TSHZ3: variants seen among roughly 807,000 people sequenced by gnomAD.
TSHZ3 encodes the protein teashirt homolog 3.
A neutral mutation model predicts 64.5 loss-of-function variants in TSHZ3; 10 were observed. The ratio of observed to expected loss-of-function variants is 0.16; its 90% CI spans 0.10 to 0.26. TSHZ3 has a LOEUF of 0.26. Among genes scored for constraint, TSHZ3 ranks in the 10% least tolerant of loss-of-function variants. The pLI, the probability that TSHZ3 is intolerant of heterozygous loss-of-function variation, is 1.00. For missense variants in TSHZ3, 1,242 were observed against 1,421.7 expected, an observed-to-expected ratio of 0.87 and a Z score of 2.03; for synonymous variants, 608 against 593.1, an observed-to-expected ratio of 1.03 and a Z score of -0.36.
intron 1 of TSHZ3, among the ~76,000 whole-genome samples, chr19:31,346,985 G>A (rs978371395): frequency 6.6e-6 from 1 of 152,034 alleles, no homozygotes; most frequent in Non-Finnish European, 1.5e-5. Context: ...AAGCACTCAT[G>A]CTGCCAGCTT....
intron 1 of TSHZ3, among the ~76,000 whole-genome samples, chr19:31,245,056 TCA>T (rs746942007): frequency 3.3e-4 from 50 of 152,328 alleles, no homozygotes; most frequent in Non-Finnish European, 5.3e-4. Context: ...AGGAAAATAT[TCA>T]CAGTGTTATT....
Position 31,192,855 on chromosome 19 carries a change from G to A in TSHZ3, n.809+12101C>T, listed in dbSNP as rs560030389. ...TTGGATTTAATCGGTTAACATGACA[G>A]TTTTTAGGATGACTCCTTTTTGATG... is the stretch of plus-strand genomic sequence containing the variant. On this transcript the variant is annotated intron_variant and non_coding_transcript_variant, in intron 5 of 6. Coordinates refer to the TSHZ3 transcript ENST00000651361. 2.0e-5 allele frequency among the ~76,000 whole-genome samples: 3 copies of A among 152,322 alleles called. No individual in the cohort carries two copies. The South Asian group carries it at 6.2e-4, about 32-fold the overall frequency.
intron 1 of TSHZ3, among the ~76,000 whole-genome samples, chr19:31,312,338 C>T (rs1261235008): frequency 6.6e-6 from 1 of 152,164 alleles, no homozygotes; most frequent in Non-Finnish European, 1.5e-5. Context: ...GTCCATGGGG[C>T]TATATATGTT....
In TSHZ3 at chr19:31,155,975, T is replaced by C. The variant is rs75757648; in HGVS notation, n.871+381A>G. ...GAATATACCCTGAATAATGATCTAA[T>C]GATCACATTGCTTTGCTTTTGTTAT... is the stretch of plus-strand genomic sequence containing the variant. On this transcript the variant is annotated intron_variant and non_coding_transcript_variant, in intron 6 of 6. Transcript: ENST00000651361. 6.2e-4 allele frequency among the ~76,000 whole-genome samples: 95 copies of C among 152,362 alleles called. No individual in the cohort carries two copies. In the East Asian group the frequency reaches 0.017, roughly 27 times the overall value.
chr19:31,207,147 A>G (rs1034688898), intron 4 of TSHZ3, among the ~76,000 whole-genome samples: 3 of 152,234 alleles, frequency 2.0e-5, no homozygotes, highest in Non-Finnish European at 4.4e-5. Context: ...TAGAATCATT[A>G]ACATGAAATA....
chr19:31,196,237 G>C (rs1205177637), intron 5 of TSHZ3, among the ~76,000 whole-genome samples: 2 of 151,890 alleles, frequency 1.3e-5, no homozygotes, highest in Non-Finnish European at 2.9e-5. Context: ...AGTTATTATA[G>C]TTATTTAAAA....
intron 1 of TSHZ3, among the ~76,000 whole-genome samples, chr19:31,314,650 G>C (rs956847321): frequency 3.9e-5 from 6 of 152,210 alleles, no homozygotes; most frequent in African/African-American, 7.2e-5. Flanking sequence ...TCATATGTGA[G>C]TGCATAATTT....
At chr19:31,157,100 A>AT (rs34441625) in intron 5 of TSHZ3, among the ~76,000 whole-genome samples, 94 of 151,552 alleles carry the variant, frequency 6.2e-4, no homozygotes, top group African/African-American at 2.1e-3. Context: ...CTAACCTGGC[A>AT]TTTTTTTTTG....
chr19:31,261,759 T>G (rs1469594296), intron 1 of TSHZ3, among the ~76,000 whole-genome samples: 1 of 152,220 alleles, frequency 6.6e-6, no homozygotes, highest in African/African-American at 2.4e-5. Flanking sequence ...CTGAATTTTC[T>G]CTGTGTTCTT....
intron 5 of TSHZ3, among the ~76,000 whole-genome samples, chr19:31,169,519 G>T (rs1277961965): frequency 6.6e-6 from 1 of 152,196 alleles, no homozygotes; most frequent in African/African-American, 2.4e-5. Context: ...TGGGGAAGAT[G>T]AAAGGATTCT....
intron 4 of TSHZ3, among the ~76,000 whole-genome samples, chr19:31,216,247 T>C (rs1422208488): frequency 4.6e-5 from 7 of 152,164 alleles, no homozygotes; most frequent in Admixed American, 1.3e-4. Flanking sequence ...TTAGGCCTTT[T>C]TGGGGGGGCT....
intron 3 of TSHZ3, among the ~76,000 whole-genome samples, chr19:31,234,930 A>T (rs1975586090): frequency 6.6e-6 from 1 of 152,126 alleles, no homozygotes; most frequent in Non-Finnish European, 1.5e-5. Context: ...TGTAATATTG[A>T]TGTTATTTCT....
intron 3 of TSHZ3, among the ~76,000 whole-genome samples, chr19:31,230,123 C>T (rs1975519387): frequency 6.6e-6 from 1 of 151,820 alleles, no homozygotes; most frequent in African/African-American, 2.4e-5. Context: ...TTTATAAAAG[C>T]AAAAAATTAA....
intron 1 of TSHZ3, among the ~76,000 whole-genome samples, chr19:31,324,824 A>AT (rs71173959): frequency 0.24 from 36,909 of 151,078 alleles, 5,074 homozygotes; most frequent in East Asian, 0.42. Flanking sequence ...AAGCACAGTG[A>AT]TTTTTTTTTT....
At chr19:31,297,196 G>A (rs1976677983) in intron 1 of TSHZ3, among the ~76,000 whole-genome samples, 1 of 152,138 alleles carries the variant, frequency 6.6e-6, no homozygotes, top group African/African-American at 2.4e-5. Context: ...CTCCTCCACT[G>A]GGCACAGTTC....
intron 1 of TSHZ3, among the ~76,000 whole-genome samples, chr19:31,317,546 A>G (rs1916637536): frequency 6.6e-6 from 1 of 152,174 alleles, no homozygotes; most frequent in African/African-American, 2.4e-5. Context: ...CAAGGATCAC[A>G]GAAGGCCTAA....
At chr19:31,294,283 T>C (rs1322293248) in intron 1 of TSHZ3, among the ~76,000 whole-genome samples, 2 of 152,066 alleles carry the variant, frequency 1.3e-5, no homozygotes, top group African/African-American at 4.8e-5. Context: ...ACTCAGCGAA[T>C]TCTCATCCAG....
chr19:31,263,030 A>G (rs1260626085), intron 1 of TSHZ3, among the ~76,000 whole-genome samples: 5 of 152,180 alleles, frequency 3.3e-5, no homozygotes, highest in Admixed American at 3.3e-4. Flanking sequence ...TCCATTCCTC[A>G]GGACTAATTG....
intron 4 of TSHZ3, among the ~76,000 whole-genome samples, chr19:31,213,356 C>CAAA (rs35192337): frequency 0.15 from 3,582 of 23,268 alleles, 1,481 homozygotes; most frequent in Middle Eastern, 0.21. Flanking sequence ...GACTCTGTCT[C>CAAA]AAAAAAAAAA....
Sources: allele counts gnomAD v4.1 joint callset (sites outside exome capture counted in the v4.1 genomes callset), GRCh38; gene constraint gnomAD v4.1.1; transcripts MANE v1.5; gene names NCBI Gene and HGNC (gene_info 2026-07-23, HGNC 2026-07-21).